The following MARK3 variants were observed in gnomAD, a reference collection of about 807,000 sequenced individuals.
MARK3 encodes MAP/microtubule affinity-regulating kinase 3.
A neutral mutation model predicts 90.1 loss-of-function variants in MARK3; 46 were observed. That is an observed-to-expected ratio of 0.51 (90% confidence interval 0.40 to 0.65). The LOEUF is 0.65. Ranked by LOEUF, MARK3 falls within the 30% of genes least tolerant of loss-of-function variation. MARK3 has a pLI of 0.00. For synonymous variants in MARK3, 321 were observed against 332.6 expected (o/e 0.97, Z 0.38); for missense variants, 818 against 947.2 (o/e 0.86, Z 1.79).
chr14:103,496,662 C>T (rs976871268), intron 15 of MARK3, among the ~76,000 whole-genome samples: 1 of 152,018 alleles, frequency 6.6e-6, no homozygotes, highest in Non-Finnish European at 1.5e-5. Flanking sequence ...ATCCGCCCAC[C>T]TCAGCCTCCC....
chr14:103,478,982 G>A (rs1002082323), intron 13 of MARK3, among the ~76,000 whole-genome samples: 3 of 152,078 alleles, frequency 2.0e-5, no homozygotes, highest in African/African-American at 7.2e-5. Flanking sequence ...ATAAACAATT[G>A]TGTACAAATT....
intron 1 of MARK3, among the ~76,000 whole-genome samples, chr14:103,404,617 A>G (rs1283334649): frequency 6.6e-6 from 1 of 152,242 alleles, no homozygotes; most frequent in Admixed American, 6.5e-5. Context: ...TTAGCAGTGT[A>G]GTATAGAAGG....
At chr14:103,461,553 A>G (rs2093401593) in intron 6 of MARK3, among the ~76,000 whole-genome samples, 1 of 152,244 alleles carries the variant, frequency 6.6e-6, no homozygotes, top group African/African-American at 2.4e-5. Context: ...TAATAAAGGA[A>G]GAGGAAACTG....
chr14:103,445,314 C>G (rs1234309410), intron 3 of MARK3, among the ~76,000 whole-genome samples: 1 of 152,196 alleles, frequency 6.6e-6, no homozygotes, highest in Non-Finnish European at 1.5e-5. Flanking sequence ...GCATCTGGCT[C>G]TATGCGTCAG....
At chr14:103,386,281 G>T in intron 1 of MARK3, 2 of 707,958 alleles carry the variant, frequency 2.8e-6, no homozygotes, top group South Asian at 3.0e-5. Flanking sequence ...GGTCTGCGAA[G>T]TACATCGATT....
At chr14:103,488,291 T>C (rs2093963707) in intron 14 of MARK3, among the ~76,000 whole-genome samples, 1 of 152,092 alleles carries the variant, frequency 6.6e-6, no homozygotes, top group Non-Finnish European at 1.5e-5. Flanking sequence ...AGTTCCATGA[T>C]TGGGCTCGGC....
At chr14:103,502,825 T>C (rs2075744998) in intron 17 of MARK3, 57 bp from the exon 18 acceptor site, 6 of 1,380,222 alleles carry the variant, frequency 4.3e-6, no homozygotes, top group Non-Finnish European at 6.0e-6. Context: ...CTAGCTGAAG[T>C]GTAAGAGGTT....
chr14:103,391,121 A>G (rs777890560), intron 1 of MARK3, among the ~76,000 whole-genome samples: 2 of 152,220 alleles, frequency 1.3e-5, no homozygotes, highest in Non-Finnish European at 2.9e-5. Flanking sequence ...ACATTTGACA[A>G]TGTCTAAAGA....
At chr14:103,412,191 C>T (rs922020197) in intron 2 of MARK3, 38 of 1,206,616 alleles carry the variant, frequency 3.1e-5, no homozygotes, top group East Asian at 1.7e-4. Flanking sequence ...AGTTTTTTCT[C>T]GAGCAGTGAC....
At chr14:103,405,019 C>A in intron 1 of MARK3, 57 bp from the exon 2 acceptor site, 3 of 1,398,650 alleles carry the variant, frequency 2.1e-6, no homozygotes, top group Non-Finnish European at 2.0e-6. Context: ...GCTCTTAGAA[C>A]TTGGCAAGTA....
chr14:103,467,078 G>A lies in MARK3; in HGVS notation c.998-1G>A. 7.3e-7 allele frequency: 1 copy of A among 1,364,782 alleles called. No individual in the cohort carries two copies. Among genetic ancestry groups the A allele is most frequent in the Non-Finnish European group, 1.0e-6 (1 of 964,138 alleles). 84.5% of individuals were successfully genotyped at this position (1,364,782 alleles called of 1,614,324 possible). ...TAAACTGTATTATGCCCTTCTTTTAGATATTATGGTGGGAATGGGATATTC... is the reference window on the plus strand; with the variant it reads ...TAAACTGTATTATGCCCTTCTTTTAAATATTATGGTGGGAATGGGATATTC... On this transcript the variant is annotated splice_acceptor_variant, in intron 10 of 17. Coordinates refer to ENST00000429436, the MANE Select transcript of MARK3 (RefSeq NM_001128918.3). LOFTEE classifies it high-confidence loss of function.
chr14:103,387,739 C>T (rs375030930), intron 1 of MARK3, among the ~76,000 whole-genome samples: 13 of 152,014 alleles, frequency 8.6e-5, no homozygotes, highest in African/African-American at 2.7e-4. Context: ...GTGATCCACC[C>T]GCCTCGGCTC....
In MARK3 at chr14:103,405,276, C is replaced by T. The variant is rs2091211430; in HGVS notation, c.243+9C>T. 3 of 1,506,270 alleles carry T rather than the reference C, an allele frequency of 2.0e-6. No individual in the cohort carries two copies. Among genetic ancestry groups the T allele is most frequent in the Non-Finnish European group, 1.8e-6 (2 of 1,127,316 alleles). 93.3% of individuals were successfully genotyped at this position (1,506,270 alleles called of 1,614,324 possible). A position where few individuals can be genotyped will look rare whatever the true frequency, so the allele number is the denominator to read the frequency against. On this transcript the variant is annotated intron_variant, in intron 2 of 17. Transcript: ENST00000429436. ...TCCTTACAGGCAGAGAGGTAAATAC[C>T]AGTTATGCTTATTTCTGTTATGACA...
At chr14:103,495,444 C>T (rs1420231676) in intron 15 of MARK3, among the ~76,000 whole-genome samples, 1 of 20,928 alleles carries the variant, frequency 4.8e-5, no homozygotes, top group Non-Finnish European at 1.5e-4. Flanking sequence ...CACACCATTG[C>T]ACTCCAGCCT....
intron 1 of MARK3, among the ~76,000 whole-genome samples, chr14:103,400,812 T>C (rs923850824): frequency 2.0e-5 from 3 of 151,384 alleles, no homozygotes; most frequent in African/African-American, 7.3e-5. Flanking sequence ...GGATGATCCC[T>C]TGAGTCCAGG....
intron 2 of MARK3, among the ~76,000 whole-genome samples, chr14:103,406,238 G>T (rs1264242141): frequency 6.6e-6 from 1 of 151,212 alleles, no homozygotes; most frequent in African/African-American, 2.4e-5. Context: ...GGGTGTCGGG[G>T]GTTGGGACGG....
At chr14:103,491,019 C>A in intron 14 of MARK3, 1 of 1,288,756 alleles carries the variant, frequency 7.8e-7, no homozygotes, top group Non-Finnish European at 1.0e-6. Context: ...TCGGCTGAGA[C>A]ATCAGAAGTC....
chr14:103,404,745 G>T (rs2091175494), intron 1 of MARK3, among the ~76,000 whole-genome samples: 1 of 152,100 alleles, frequency 6.6e-6, no homozygotes, highest in Non-Finnish European at 1.5e-5. Context: ...GTGAGGCTCA[G>T]GTGTGCAGGT....
chr14:103,464,980 G>A (rs529702614), intron 7 of MARK3, among the ~76,000 whole-genome samples: 1 of 147,018 alleles, frequency 6.8e-6, no homozygotes, highest in Non-Finnish European at 1.5e-5. Flanking sequence ...CTTGTTTTTT[G>A]GTTTTGAGAT....
Sources: allele counts gnomAD v4.1 joint callset (sites outside exome capture counted in the v4.1 genomes callset), GRCh38; gene constraint gnomAD v4.1.1; transcripts MANE v1.5; gene names NCBI Gene and HGNC (gene_info 2026-07-23, HGNC 2026-07-21).